Variants in FLYWCH2 observed in about 807,000 individuals in gnomAD.
FLYWCH2 encodes FLYWCH family member 2.
In FLYWCH2, 2 loss-of-function variants were observed where a neutral mutation model predicts 6.0. That is an observed-to-expected ratio of 0.33 (90% CI 0.14 to 1.04). The LOEUF is 1.04. Among genes scored for constraint, FLYWCH2 ranks in the 50% least tolerant of loss-of-function variants. FLYWCH2 has a pLI of 0.45. For missense variants in FLYWCH2, 192 were observed against 183.4 expected (o/e 1.05, Z -0.27); for synonymous variants, 87 against 79.3 (o/e 1.10, Z -0.52).
intron 1 of FLYWCH2, among the ~76,000 whole-genome samples, chr16:2,886,004 G>GT (rs1455283489): frequency 6.6e-6 from 1 of 152,018 alleles, no homozygotes; most frequent in Non-Finnish European, 1.5e-5. Flanking sequence ...GCTATTATCT[G>GT]TTTTTTGTTT....
rs1048693005 is a variant in FLYWCH2 at position 2,883,300 on chromosome 16, C to T, written c.-266C>T. The T allele has an allele frequency of 4.6e-5, 7 of 152,428 alleles. No individual in the cohort carries two copies. The highest frequency in any genetic ancestry group is 1.7e-4 in the African/African-American group (7 of 41,584). 9.4% of individuals were successfully genotyped at this position (152,428 alleles called of 1,614,324 possible). A position where few individuals can be genotyped will look rare whatever the true frequency, so the allele number is the denominator to read the frequency against. On this transcript the variant is annotated 5_prime_UTR_variant, in exon 1 of 4. Transcript: ENST00000396958. ...AACAGCGCGAGCTGAGGCTGGGGCCCTTGGCGCGGAGGCTGAGGGACCCGC... is the reference window on the plus strand; with the variant it reads ...AACAGCGCGAGCTGAGGCTGGGGCCTTTGGCGCGGAGGCTGAGGGACCCGC...
At chr16:2,885,599 G>A (rs1420332577) in intron 1 of FLYWCH2, among the ~76,000 whole-genome samples, 1 of 152,156 alleles carries the variant, frequency 6.6e-6, no homozygotes, top group Non-Finnish European at 1.5e-5. Context: ...TTTTGGGTCT[G>A]GCTTCTTTTA....
chr16:2,894,399 G>A (rs895787409), intron 1 of FLYWCH2, among the ~76,000 whole-genome samples: 33 of 152,168 alleles, frequency 2.2e-4, no homozygotes, highest in Non-Finnish European at 7.4e-5. Context: ...CTCATGCTGC[G>A]GAGTGTGGGA....
chr16:2,892,379 C>T (rs1390110292), intron 1 of FLYWCH2, among the ~76,000 whole-genome samples: 1 of 151,678 alleles, frequency 6.6e-6, no homozygotes, highest in African/African-American at 2.4e-5. Flanking sequence ...ACCAGTAATC[C>T]CAGCTACTTG....
At chr16:2,887,990 T>C (rs1007305502) in intron 1 of FLYWCH2, among the ~76,000 whole-genome samples, 2 of 136,488 alleles carry the variant, frequency 1.5e-5, no homozygotes, top group East Asian at 4.0e-4. Context: ...TTGATCTCTG[T>C]GTCTGTGTTT....
chr16:2,888,075 C>G (rs1373952036), intron 1 of FLYWCH2, among the ~76,000 whole-genome samples: 3 of 151,996 alleles, frequency 2.0e-5, no homozygotes, highest in Non-Finnish European at 2.9e-5. Context: ...GTGGCGTGAT[C>G]TCGGCTCACT....
chr16:2,891,788 G>A lies in FLYWCH2; in HGVS notation c.-199-3432G>A, dbSNP rs527283961. On this transcript the variant is annotated intron_variant, in intron 1 of 3. Transcript: ENST00000396958. ...GCCCAGGCTGGTCTCGAACTCCTGG[G>A]CTTAAGTGATCCTCCCGCCTTGCTC... Among the ~76,000 whole-genome samples, 16 of 152,196 alleles carry A rather than the reference G, an allele frequency of 1.1e-4. No individual in the cohort carries two copies. In the South Asian group the frequency reaches 1.5e-3, roughly 14 times the overall value.
rs1030524108 is a variant in FLYWCH2 at position 2,884,293 on chromosome 16, T to C, written c.-200+927T>C. ...TGCTGGTGGACATTAGTGATGTTTCTCCCCCGTGCGTATGAAGATGATTCT... is the reference window on the plus strand; with the variant it reads ...TGCTGGTGGACATTAGTGATGTTTCCCCCCCGTGCGTATGAAGATGATTCT... On this transcript the variant is annotated intron_variant, in intron 1 of 3. Transcript: ENST00000396958. Among the ~76,000 whole-genome samples the C allele has an allele frequency of 8.6e-5, 13 of 152,000 alleles. No homozygotes were observed. The South Asian group carries it at 1.9e-3, about 22-fold the overall frequency.
chr16:2,885,705 TATTC>T (rs1412806088), intron 1 of FLYWCH2, among the ~76,000 whole-genome samples: 1 of 152,274 alleles, frequency 6.6e-6, no homozygotes, highest in Non-Finnish European at 1.5e-5. Context: ...ACATTGTACT[TATTC>T]ATTCATCCAT....
intron 1 of FLYWCH2, among the ~76,000 whole-genome samples, chr16:2,889,027 A>G (rs2069727349): frequency 6.6e-6 from 1 of 152,070 alleles, no homozygotes; most frequent in Non-Finnish European, 1.5e-5. Flanking sequence ...ATATTCAGAA[A>G]AGTATCACTT....
chr16:2,889,372 G>A (rs1381298232), intron 1 of FLYWCH2, among the ~76,000 whole-genome samples: 7 of 151,488 alleles, frequency 4.6e-5, no homozygotes, highest in Non-Finnish European at 8.8e-5. Flanking sequence ...CACCATGCCC[G>A]GCTAATTTTT....
At chr16:2,894,243 G>A (rs960278103) in intron 1 of FLYWCH2, among the ~76,000 whole-genome samples, 1 of 152,136 alleles carries the variant, frequency 6.6e-6, no homozygotes, top group East Asian at 1.9e-4. Flanking sequence ...GAATTTGCAC[G>A]CTGGGTATGC....
In FLYWCH2 at chr16:2,899,022, A is replaced by G. The variant is rs749267388; in HGVS notation, c.323-27A>G. 5.7e-6 allele frequency: 9 copies of G among 1,591,188 alleles called. No individual in the cohort carries two copies. The South Asian group carries it at 1.0e-4, about 18-fold the overall frequency. On this transcript the variant is annotated intron_variant, in intron 3 of 3. Coordinates refer to ENST00000396958, the MANE Select transcript of FLYWCH2 (RefSeq NM_138439.3). ...GAGCCCTCCCATCTCCATTGACACC[A>G]GCCTGATCCACCCTCTTCTCTCGCA...
chr16:2,892,902 CATATAAT>C (rs1368426033), intron 1 of FLYWCH2, among the ~76,000 whole-genome samples: 1 of 41,304 alleles, frequency 2.4e-5, no homozygotes, highest in East Asian at 3.5e-4. Context: ...GTATATATGT[CATATAAT>C]ATATATTATA....
At chr16:2,892,909 T>C (rs112564403) in intron 1 of FLYWCH2, among the ~76,000 whole-genome samples, 4 of 6,588 alleles carry the variant, frequency 6.1e-4, no homozygotes, top group Non-Finnish European at 1.1e-3. Flanking sequence ...TGTCATATAA[T>C]ATATATTATA....
intron 1 of FLYWCH2, among the ~76,000 whole-genome samples, chr16:2,894,760 C>T (rs530749182): frequency 1.3e-5 from 2 of 148,686 alleles, no homozygotes; most frequent in Admixed American, 6.7e-5. Context: ...GGTCAGAGGA[C>T]TACAGAGGGA....
At chr16:2,895,116 C>T (rs1278675519) in intron 1 of FLYWCH2, 104 bp from the exon 2 acceptor site, 1 of 152,238 alleles carries the variant, frequency 6.6e-6, no homozygotes, top group African/African-American at 2.4e-5. Context: ...AAAGGCCACC[C>T]CACACTGGCC....
At chr16:2,895,888 C>G (rs2069813293) in intron 2 of FLYWCH2, among the ~76,000 whole-genome samples, 1 of 152,218 alleles carries the variant, frequency 6.6e-6, no homozygotes, top group Non-Finnish European at 1.5e-5. Context: ...GGCTCTGTGT[C>G]CACTCCATCT....
chr16:2,899,188 G>A lies in FLYWCH2; in HGVS notation c.*39G>A, dbSNP rs770075786. On this transcript the variant is annotated 3_prime_UTR_variant, in exon 4 of 4. Coordinates refer to ENST00000396958, the MANE Select transcript of FLYWCH2 (RefSeq NM_138439.3). ...CGCATCCTCCCAGGCCACCAACCCA[G>A]CCATAGGCTCTTCTCTGTCCGCAGG... is the stretch of plus-strand genomic sequence containing the variant. The A allele has an allele frequency of 2.7e-5, 41 of 1,517,690 alleles. No homozygotes were observed. The highest frequency in any genetic ancestry group is 1.4e-5 in the African/African-American group (1 of 72,290). The allele number at this position is 1,517,690 out of a possible 1,614,324, so 94.0% of individuals were successfully genotyped here. A position where few individuals can be genotyped will look rare whatever the true frequency, so the allele number is the denominator to read the frequency against.
Sources: allele counts gnomAD v4.1 joint callset (sites outside exome capture counted in the v4.1 genomes callset), GRCh38; gene constraint gnomAD v4.1.1; transcripts MANE v1.5; gene names NCBI Gene and HGNC (gene_info 2026-07-23, HGNC 2026-07-21).